Variants in STK10 observed in about 807,000 individuals in gnomAD.
STK10 encodes the protein serine/threonine-protein kinase 10.
In STK10, 78 loss-of-function variants were observed where a neutral mutation model predicts 113.8. The ratio of observed to expected loss-of-function variants is 0.69; its 90% CI spans 0.57 to 0.83. The LOEUF is 0.83. STK10 is among the 40% of genes least tolerant of loss of function. The probability of loss-of-function intolerance (pLI) is 0.00; values close to 1 mark genes in which losing one functional copy is unlikely to be tolerated. For synonymous variants in STK10, 465 were observed against 494.7 expected (o/e 0.94, Z 0.80); for missense variants, 1,109 against 1,280.1 (o/e 0.87, Z 2.04).
At chr5:172,098,969 T>C (rs1768917178) in intron 7 of STK10, among the ~76,000 whole-genome samples, 1 of 141,732 alleles carries the variant, frequency 7.1e-6, no homozygotes, top group African/African-American at 2.8e-5. Context: ...TTCACCACCA[T>C]CACCACCATC....
chr5:172,138,946 G>A lies in STK10; in HGVS notation c.322-11525C>T, dbSNP rs375637726. On this transcript the variant is annotated intron_variant, in intron 2 of 18. Transcript: ENST00000176763. ...GGAGAATGGTGTGAACCCAGGAGGC[G>A]GAGCTTGCAGTGAGCCAAGATCACA... Among the ~76,000 whole-genome samples the A allele has an allele frequency of 9.9e-5, 15 of 152,228 alleles. No individual in the cohort carries two copies. In the South Asian group the frequency reaches 1.9e-3, roughly 19 times the overall value.
Position 172,044,276 on chromosome 5 carries a change from CCT to C in STK10, c.*604_*605del, listed in dbSNP as rs1268538907. ...GAAGCAGAATAAACATTTCAGCCTCCCTCTTTCCCCGGTCCCCGCCCCCCACA... is the reference window on the plus strand; with the variant it reads ...GAAGCAGAATAAACATTTCAGCCTCCCTTTCCCCGGTCCCCGCCCCCCACA... On this transcript the variant is annotated 3_prime_UTR_variant, in exon 19 of 19. Coordinates refer to ENST00000176763, the MANE Select transcript of STK10 (RefSeq NM_005990.4). This position sits in a 1 kb window ranked among gnomAD's most constrained non-coding sequence, Gnocchi z 4.5. The C allele has an allele frequency of 6.4e-6, 1 of 155,144 alleles. No individual in the cohort carries two copies. Among genetic ancestry groups the C allele is most frequent in the Non-Finnish European group, 1.4e-5 (1 of 69,906 alleles). 9.6% of individuals were successfully genotyped at this position (155,144 alleles called of 1,614,324 possible).
chr5:172,057,004 GGAAAGAAAGAAAGAAA>G (rs57276469), intron 15 of STK10: 16 of 73,478 alleles, frequency 2.2e-4, no homozygotes, highest in Middle Eastern at 5.4e-3. Flanking sequence ...AGAGAAAGAA[GGAAAGAAAGAAAGAAA>G]GAAAGAAAGA....
intron 13 of STK10, chr5:172,064,313 C>A: frequency 5.6e-6 from 1 of 177,712 alleles, no homozygotes; most frequent in Non-Finnish European, 1.2e-5. Context: ...AAATGGCACC[C>A]CCTCAGAGCA....
chr5:172,154,552 G>C (rs1041526301), intron 2 of STK10, among the ~76,000 whole-genome samples: 2 of 152,188 alleles, frequency 1.3e-5, no homozygotes, highest in Admixed American at 6.5e-5. Flanking sequence ...GGAGGAGCTG[G>C]GGCCTTCTAC....
At chr5:172,158,184 A>T (rs965720536) in intron 1 of STK10, among the ~76,000 whole-genome samples, 1 of 152,156 alleles carries the variant, frequency 6.6e-6, no homozygotes, top group Non-Finnish European at 1.5e-5. Context: ...GGGAATGTAA[A>T]ATGGTGCAGC....
At chr5:172,186,850 C>T (rs1183086454) in intron 1 of STK10, among the ~76,000 whole-genome samples, 1 of 152,050 alleles carries the variant, frequency 6.6e-6, no homozygotes, top group East Asian at 1.9e-4. Context: ...TAGACCACTT[C>T]CAAGTCAGAG....
At position 172,082,387 on chromosome 5, in the gene STK10, C is replaced by A. The variant is rs143251398; in HGVS notation, c.1928G>T (p.Arg643Leu). 22 of 1,607,302 alleles carry A rather than the reference C, an allele frequency of 1.4e-5. No individual in the cohort carries two copies. In the African/African-American group the frequency reaches 1.7e-4, roughly 13 times the overall value. Residue 643 changes from arginine (R) to leucine (L), a missense_variant, in exon 12 of 19, where the codon CGC (arginine) becomes CTC (leucine). By Grantham distance (102) the Arg-to-Leu change is moderately radical (BLOSUM62 -2). Coordinates refer to ENST00000176763, the MANE Select transcript of STK10 (RefSeq NM_005990.4). This position sits in a 1 kb window ranked among gnomAD's most constrained non-coding sequence, Gnocchi z 4.3. ...VRRREEARRI[R>L]LEQDRDYTRF... ...GGTGTAGTCCCGATCCTGCTCCAGGCGGATCCGCCTGGCCTCCTCCCGGCG... is the reference window on the plus strand; with the variant it reads ...GGTGTAGTCCCGATCCTGCTCCAGGAGGATCCGCCTGGCCTCCTCCCGGCG...
intron 14 of STK10, among the ~76,000 whole-genome samples, chr5:172,058,902 C>CA (rs202047891): frequency 0.012 from 1,777 of 150,976 alleles, 35 homozygotes; most frequent in African/African-American, 0.041. Flanking sequence ...AAAACAAAAA[C>CA]AAAAAAAATG....
chr5:172,081,223 T>G (rs1768419946), intron 12 of STK10, among the ~76,000 whole-genome samples: 1 of 151,858 alleles, frequency 6.6e-6, no homozygotes, highest in South Asian at 2.1e-4. Flanking sequence ...TGGTGGTGCG[T>G]GCCTGTAGTC....
chr5:172,087,198 T>C (rs1340128023), intron 10 of STK10, among the ~76,000 whole-genome samples: 2 of 151,668 alleles, frequency 1.3e-5, no homozygotes, highest in African/African-American at 2.4e-5. Context: ...TTCCTCCCTC[T>C]GTCTCCTAGA....
intron 1 of STK10, among the ~76,000 whole-genome samples, chr5:172,183,456 C>CTTT (rs574488817): frequency 7.2e-6 from 1 of 139,752 alleles, no homozygotes; most frequent in African/African-American, 2.6e-5. Context: ...GTAAACTTTA[C>CTTT]TTTTTTTTTT....
intron 4 of STK10, among the ~76,000 whole-genome samples, chr5:172,115,317 T>C (rs529749622): frequency 1.3e-5 from 2 of 152,098 alleles, no homozygotes; most frequent in Non-Finnish European, 2.9e-5. Flanking sequence ...CCTCCAATGG[T>C]GAGTTCGGGT....
intron 8 of STK10, among the ~76,000 whole-genome samples, 176 bp downstream of exon 8, chr5:172,096,250 C>T (rs1486932109): frequency 6.6e-6 from 1 of 152,248 alleles, no homozygotes; most frequent in African/African-American, 2.4e-5. Context: ...CCTGCTGCCT[C>T]ACCCCGGCCC....
Position 172,082,420 on chromosome 5 carries a change from G to A in STK10, c.1895C>T (p.Ala632Val), listed in dbSNP as rs767684376. The stretch of plus-strand genomic sequence containing the variant: ...CCTGGCCTCCTCCCGGCGGCGCACG[G>A]CATGGTCTTGCTCCATCTTCTCCAC... ...QQVEKMEQDH[A>V]VRRREEARRI... Residue 632 changes from alanine (A) to valine (V), a missense_variant, in exon 12 of 19, where the codon GCC (alanine) becomes GTC (valine). Ala to Val is a moderately conservative substitution (Grantham distance 64). This residue lies in a region of STK10 where 885 missense variants were observed against 991.1 expected (regional missense o/e 0.89). Transcript: ENST00000176763. The surrounding 1 kb of genome is among the most constrained non-coding windows in gnomAD (Gnocchi z 4.3). The A allele has an allele frequency of 7.8e-5, 126 of 1,611,760 alleles. No individual in the cohort carries two copies. The highest frequency in any genetic ancestry group is 3.3e-4 in the Middle Eastern group (2 of 6,076).
intron 15 of STK10, among the ~76,000 whole-genome samples, chr5:172,056,324 C>A (rs1231425685): frequency 6.6e-6 from 1 of 152,154 alleles, no homozygotes; most frequent in Non-Finnish European, 1.5e-5. Context: ...TGCATCCAGA[C>A]CTTGGTCTGT....
In STK10 at chr5:172,043,207, G is replaced by C. The variant is rs1347932751; in HGVS notation, c.*1675C>G. 3 of 151,296 alleles carry C rather than the reference G, an allele frequency of 2.0e-5. No homozygotes were observed. The East Asian group carries it at 5.9e-4, about 30-fold the overall frequency. The allele number at this position is 151,296 out of a possible 1,614,324, so 9.4% of individuals were successfully genotyped here. Reference sequence around the variant, plus strand: ...CCTCCTGGGTTCAAGCGATTCTCCTGCCTCAGCCTCCCGAGTAGCTGGGAT... The same window carrying C: ...CCTCCTGGGTTCAAGCGATTCTCCTCCCTCAGCCTCCCGAGTAGCTGGGAT... On this transcript the variant is annotated 3_prime_UTR_variant, in exon 19 of 19. Transcript: ENST00000176763.
At position 172,137,548 on chromosome 5, in the gene STK10, G is replaced by A. The variant is rs192401763; in HGVS notation, c.322-10127C>T. Among the ~76,000 whole-genome samples, 106 of 151,936 alleles carry A rather than the reference G, an allele frequency of 7.0e-4. 1 individual carries two copies. The highest frequency in any genetic ancestry group is 2.5e-3 in the African/African-American group (103 of 41,446). ...GAAATACTCAACAAACAAAATAGAA[G>A]AAAACAACCTCAACATATATAAAGG... On this transcript the variant is annotated intron_variant, in intron 2 of 18. Transcript: ENST00000176763.
intron 1 of STK10, among the ~76,000 whole-genome samples, chr5:172,175,614 A>T (rs1020762480): frequency 5.9e-4 from 90 of 151,332 alleles, no homozygotes; most frequent in African/African-American, 1.9e-3. Context: ...CTTCCTCTGC[A>T]TGAGAGGCCA....
Sources: gnomAD v4.1 joint callset for allele counts (sites outside exome capture counted in the v4.1 genomes callset) on GRCh38, gnomAD v4.1.1 for gene constraint, gnomAD v4.1.1 regional missense constraint, Gnocchi (gnomAD v3.1) non-coding constraint, MANE v1.5 for transcripts, NCBI Gene and HGNC (gene_info 2026-07-23, HGNC 2026-07-21) for gene names.